Variants in WWOX observed in about 807,000 individuals in gnomAD.
WWOX encodes WW domain-containing oxidoreductase.
WWOX carries 69 observed loss-of-function variants against 46.2 expected under a neutral mutation model. The observed-to-expected ratio is 1.49, with a 90% confidence interval of 1.23 to 1.82. WWOX has a LOEUF of 1.82. WWOX is among the 40% of genes most tolerant of loss of function. The pLI is 0.00. For missense variants in WWOX, 919 were observed against 542.6 expected (o/e 1.69, Z -6.89); for synonymous variants, 359 against 202.6 (o/e 1.77, Z -6.56).
chr16:78,771,349 A>G (rs2050060410), intron 8 of WWOX, among the ~76,000 whole-genome samples: 1 of 152,248 alleles, frequency 6.6e-6, no homozygotes, highest in Admixed American at 6.5e-5. Context: ...AAGAACATGC[A>G]TGCCCAACCT....
intron 8 of WWOX, among the ~76,000 whole-genome samples, chr16:78,757,602 G>A (rs189005946): frequency 9.1e-4 from 138 of 152,048 alleles, no homozygotes; most frequent in African/African-American, 3.0e-3. Context: ...TTTGAAAGAC[G>A]TATGTAAAAA....
chr16:79,173,136 C>T (rs892199642), intron 8 of WWOX, among the ~76,000 whole-genome samples: 11 of 152,340 alleles, frequency 7.2e-5, no homozygotes, highest in African/African-American at 2.6e-4. Context: ...ACATTTGACA[C>T]ACATGTGTGC....
intron 8 of WWOX, among the ~76,000 whole-genome samples, chr16:78,819,788 C>T (rs902586613): frequency 6.6e-6 from 1 of 152,196 alleles, no homozygotes; most frequent in East Asian, 1.9e-4. Context: ...CATTTTCATC[C>T]GTAAACAAAG....
At chr16:79,207,382 G>C (rs1382709686) in intron 8 of WWOX, among the ~76,000 whole-genome samples, 1 of 152,162 alleles carries the variant, frequency 6.6e-6, no homozygotes, top group Non-Finnish European at 1.5e-5. Context: ...CTTTGTCCTG[G>C]GACGTTAGTC....
At chr16:78,301,037 C>G (rs1198497404) in intron 5 of WWOX, among the ~76,000 whole-genome samples, 3 of 150,190 alleles carry the variant, frequency 2.0e-5, no homozygotes, top group African/African-American at 7.6e-5. Flanking sequence ...TCCATCCATC[C>G]ATCATCCATC....
chr16:78,996,111 C>T (rs2046982415), intron 8 of WWOX: 1 of 766,034 alleles, frequency 1.3e-6, no homozygotes, highest in Non-Finnish European at 1.6e-6. Context: ...GTGGCCCCTT[C>T]CATGAAAGTC....
chr16:78,910,505 TG>T (rs1479056801), intron 8 of WWOX, among the ~76,000 whole-genome samples: 6 of 72,378 alleles, frequency 8.3e-5, no homozygotes, highest in South Asian at 9.4e-4. Context: ...CAGGATCTTT[TG>T]TTTTTTTTTT....
At chr16:78,900,007 C>T (rs1245138997) in intron 8 of WWOX, among the ~76,000 whole-genome samples, 1 of 150,496 alleles carries the variant, frequency 6.6e-6, no homozygotes, top group South Asian at 2.1e-4. Context: ...AGCTTATATT[C>T]CCTCCTTGGG....
chr16:79,155,640 A>C (rs1038951966), intron 8 of WWOX, among the ~76,000 whole-genome samples: 1 of 146,822 alleles, frequency 6.8e-6, no homozygotes, highest in Admixed American at 6.6e-5. Flanking sequence ...TACAGTGCGC[A>C]TGAATTGCTT....
intron 5 of WWOX, among the ~76,000 whole-genome samples, chr16:78,214,359 C>A (rs1777843825): frequency 1.3e-5 from 2 of 152,164 alleles, no homozygotes; most frequent in Non-Finnish European, 2.9e-5. Context: ...GTAATTGTTC[C>A]TACCTCTTAG....
chr16:78,744,940 C>A (rs756214436), intron 8 of WWOX, among the ~76,000 whole-genome samples: 3 of 152,164 alleles, frequency 2.0e-5, no homozygotes, highest in Non-Finnish European at 4.4e-5. Context: ...GTCTTAATTT[C>A]CCTACCTGAT....
chr16:79,078,878 A>G (rs998928673), intron 8 of WWOX, among the ~76,000 whole-genome samples: 4 of 152,212 alleles, frequency 2.6e-5, no homozygotes, highest in African/African-American at 9.6e-5. Flanking sequence ...TGCCAGGCAC[A>G]TAATAGGTGC....
At chr16:78,346,177 TG>T (rs1474513618) in intron 5 of WWOX, among the ~76,000 whole-genome samples, 2 of 121,560 alleles carry the variant, frequency 1.6e-5, no homozygotes, top group African/African-American at 2.8e-5. Flanking sequence ...TACCTTGGGA[TG>T]TACCCATACT....
intron 5 of WWOX, among the ~76,000 whole-genome samples, chr16:78,319,033 G>C (rs925269698): frequency 6.6e-6 from 1 of 152,172 alleles, no homozygotes; most frequent in African/African-American, 2.4e-5. Flanking sequence ...AAAATCAGGA[G>C]ATTACCCAGG....
At chr16:78,351,580 A>G (rs1438557902) in intron 5 of WWOX, among the ~76,000 whole-genome samples, 1 of 152,208 alleles carries the variant, frequency 6.6e-6, no homozygotes. Context: ...GATGGCATGG[A>G]TCCTGACTAA....
At chr16:78,785,108 A>G (rs562520218) in intron 8 of WWOX, among the ~76,000 whole-genome samples, 2 of 152,354 alleles carry the variant, frequency 1.3e-5, no homozygotes, top group East Asian at 1.9e-4. Flanking sequence ...AATAACATCC[A>G]TAAAAATAAT....
intron 4 of WWOX, among the ~76,000 whole-genome samples, chr16:78,155,355 G>C (rs2034562625): frequency 6.6e-6 from 1 of 152,198 alleles, no homozygotes. Flanking sequence ...CTGATCATCA[G>C]TTTGTGACCT....
chr16:79,171,530 T>C (rs1346575085), intron 8 of WWOX, among the ~76,000 whole-genome samples: 1 of 152,180 alleles, frequency 6.6e-6, no homozygotes, highest in Non-Finnish European at 1.5e-5. Flanking sequence ...CTGTTTTAAT[T>C]TGAAATAAGA....
chr16:78,205,998 CT>C (rs2036383422), intron 5 of WWOX, among the ~76,000 whole-genome samples: 1 of 151,182 alleles, frequency 6.6e-6, no homozygotes, highest in Admixed American at 6.6e-5. Flanking sequence ...TCCTCCCTTC[CT>C]GTCTCCATTA....
Sources: allele counts gnomAD v4.1 joint callset (sites outside exome capture counted in the v4.1 genomes callset), GRCh38; gene constraint gnomAD v4.1.1; transcripts MANE v1.5; gene names NCBI Gene and HGNC (gene_info 2026-07-23, HGNC 2026-07-21).